The following IREB2 variants were observed in gnomAD, a reference collection of about 807,000 sequenced individuals.
The protein encoded by IREB2 is iron responsive element binding protein 2.
Under a neutral mutation model 118.8 loss-of-function variants are expected in IREB2, and 39 were observed. That is an observed-to-expected ratio of 0.33 (90% CI 0.25 to 0.43). The LOEUF is 0.43. IREB2 is among the 20% of genes least tolerant of loss of function. The pLI is 1.00. For synonymous variants in IREB2, 372 were observed against 392.2 expected, an observed-to-expected ratio of 0.95 and a Z score of 0.61; for missense variants, 900 against 1,147.3, an observed-to-expected ratio of 0.78 and a Z score of 3.11.
intron 12 of IREB2, 33 bp from the exon 13 acceptor site, chr15:78,485,672 G>A: frequency 1.2e-6 from 2 of 1,602,870 alleles, no homozygotes; most frequent in Non-Finnish European, 1.7e-6. Flanking sequence ...AAGAAACATT[G>A]CCATAATAAA....
chr15:78,456,338 G>A (rs1162121823), intron 2 of IREB2, among the ~76,000 whole-genome samples: 1 of 152,146 alleles, frequency 6.6e-6, no homozygotes, highest in African/African-American at 2.4e-5. Flanking sequence ...GAGATAGTTG[G>A]TGCTTCTTCA....
At chr15:78,493,871 A>C (rs2051793940) in intron 18 of IREB2, 38 bp from the exon 19 acceptor site, 16 of 1,581,754 alleles carry the variant, frequency 1.0e-5, no homozygotes, top group African/African-American at 1.4e-5. Flanking sequence ...ATTATTTTCC[A>C]CATGTAATGA....
rs905849071 is a variant in IREB2 at position 78,475,458 on chromosome 15, A to G, written c.1024-730A>G. The stretch of plus-strand genomic sequence containing the variant: ...ATAATTTGAAAAATGTTTATAGCCA[A>G]TATATAATTTTTTATTTAAATATAC... On this transcript the variant is annotated intron_variant, in intron 8 of 21. Coordinates refer to ENST00000258886, the MANE Select transcript of IREB2 (RefSeq NM_004136.4). 3 of 152,342 alleles carry G rather than the reference A, an allele frequency of 2.0e-5. No individual in the cohort carries two copies. The East Asian group carries it at 5.8e-4, about 29-fold the overall frequency. The allele number at this position is 152,342 out of a possible 1,614,324, so 9.4% of individuals were successfully genotyped here.
At position 78,471,645 on chromosome 15, in the gene IREB2, T is replaced by C. The variant is rs897814791; in HGVS notation, c.700-96T>C. On this transcript the variant is annotated intron_variant, in intron 6 of 21. Transcript: ENST00000258886. ...AACTTTGTATTTACCATATTGAACA[T>C]TAGTTAAAATATTTTTAATGTTAAT... 4 of 662,068 alleles carry C rather than the reference T, an allele frequency of 6.0e-6. No individual in the cohort carries two copies. In the African/African-American group the frequency reaches 7.3e-5, roughly 12 times the overall value. The allele number at this position is 662,068 out of a possible 1,614,324, so 41.0% of individuals were successfully genotyped here.
chr15:78,437,432 A>C (rs923772532), upstream of IREB2: 1 of 152,444 alleles, frequency 6.6e-6, no homozygotes, highest in African/African-American at 2.4e-5. Flanking sequence ...TTTTTCAACA[A>C]TGGGAGAGAA....
chr15:78,447,888 C>A (rs766953470), intron 2 of IREB2, among the ~76,000 whole-genome samples: 3 of 152,152 alleles, frequency 2.0e-5, no homozygotes, highest in Non-Finnish European at 2.9e-5. Context: ...TGGCGAACTC[C>A]CTGTGCCACT....
chr15:78,483,418 C>A lies in IREB2; in HGVS notation c.1397C>A (p.Ala466Asp), dbSNP rs769209031. 1.9e-6 allele frequency: 3 copies of A among 1,588,276 alleles called. No homozygotes were observed. Among genetic ancestry groups the A allele is most frequent in the Non-Finnish European group, 2.6e-6 (3 of 1,156,582 alleles). Residue 466 changes from alanine to aspartate, a missense_variant, in exon 11 of 22, where the codon GCT becomes GAT. By Grantham distance (126) the Ala-to-Asp change is moderately radical. Transcript: ENST00000258886. ...AVTDMKSDFQ[A>D]CLNEKVGFKG... ...ACAGATATGAAAAGCGATTTCCAGG[C>A]TTGCTTAAATGAAAAGGTAGGTTAC...
intron 13 of IREB2, among the ~76,000 whole-genome samples, chr15:78,486,203 T>A (rs1008108202): frequency 9.2e-5 from 14 of 152,196 alleles, no homozygotes; most frequent in African/African-American, 3.4e-4. Context: ...AAGAAAGAAA[T>A]CTTATAGTTT....
rs752942250 is a variant in IREB2 at position 78,498,796 on chromosome 15, T to C, written c.*653T>C. The stretch of plus-strand genomic sequence containing the variant: ...ATGGACCATGGCAGGATACAACTGA[T>C]TGTGTGGCACCATGTATTAGCAGTG... On this transcript the variant is annotated 3_prime_UTR_variant, in exon 22 of 22. Coordinates refer to ENST00000258886, the MANE Select transcript of IREB2 (RefSeq NM_004136.4). 3.3e-5 allele frequency: 5 copies of C among 152,212 alleles called. No individual in the cohort carries two copies. Among genetic ancestry groups the C allele is most frequent in the Non-Finnish European group, 5.9e-5 (4 of 68,036 alleles). 9.4% of individuals were successfully genotyped at this position (152,212 alleles called of 1,614,324 possible).
rs934346918 is a variant in IREB2 at position 78,498,276 on chromosome 15, A to G, written c.*133A>G. 50 of 540,836 alleles carry G rather than the reference A, an allele frequency of 9.2e-5. No homozygotes were observed. Among genetic ancestry groups the G allele is most frequent in the Non-Finnish European group, 1.5e-4 (44 of 299,884 alleles). The allele number at this position is 540,836 out of a possible 1,614,324, so 33.5% of individuals were successfully genotyped here. A position where few individuals can be genotyped will look rare whatever the true frequency, so the allele number is the denominator to read the frequency against. Reference sequence around the variant, plus strand: ...ATCTCATCCATGGATGTAAATGATGATGAATCAACATAGTAACTGAAATGA... The same window carrying G: ...ATCTCATCCATGGATGTAAATGATGGTGAATCAACATAGTAACTGAAATGA... On this transcript the variant is annotated 3_prime_UTR_variant, in exon 22 of 22. Transcript: ENST00000258886.
rs1784703474 is a variant in IREB2, at chr15:78,488,526, G to A, written c.1952-121G>A. ...GTACAGGTAATTAGTTCTTCCAGCC[G>A]CTTAAGCCTGAAGCACCCTGTTGAA... On this transcript the variant is annotated intron_variant, in intron 15 of 21. Coordinates refer to ENST00000258886, the MANE Select transcript of IREB2 (RefSeq NM_004136.4). The A allele has an allele frequency of 2.1e-5, 22 of 1,068,630 alleles. No homozygotes were observed. In the Middle Eastern group the frequency reaches 6.4e-4, roughly 31 times the overall value. The allele number at this position is 1,068,630 out of a possible 1,614,324, so 66.2% of individuals were successfully genotyped here.
In IREB2 at chr15:78,498,250, TATCTC is replaced by T. The variant is rs2051874229; in HGVS notation, c.*111_*115del. The stretch of plus-strand genomic sequence containing the variant: ...AGCAGATAGTCCCAGTATACTCACT[TATCTC>T]ATCCATGGATGTAAATGATGATGAA... On this transcript the variant is annotated 3_prime_UTR_variant, in exon 22 of 22. Coordinates refer to ENST00000258886, the MANE Select transcript of IREB2 (RefSeq NM_004136.4). The T allele has an allele frequency of 1.6e-6, 1 of 611,012 alleles. No individual in the cohort carries two copies. Among genetic ancestry groups the T allele is most frequent in the Non-Finnish European group, 3.0e-6 (1 of 337,422 alleles). The allele number at this position is 611,012 out of a possible 1,614,324, so 37.8% of individuals were successfully genotyped here. A position where few individuals can be genotyped will look rare whatever the true frequency, so the allele number is the denominator to read the frequency against.
At chr15:78,483,649 C>G (rs1284335677) in intron 11 of IREB2, among the ~76,000 whole-genome samples, 2 of 152,050 alleles carry the variant, frequency 1.3e-5, no homozygotes, top group Non-Finnish European at 2.9e-5. Flanking sequence ...TTGATTGTGT[C>G]TATTTAAATT....
chr15:78,483,298 TTC>T lies in IREB2; in HGVS notation c.1297-16_1297-15del. 3.5e-6 allele frequency: 4 copies of T among 1,138,558 alleles called. No homozygotes were observed. Among genetic ancestry groups the T allele is most frequent in the Middle Eastern group, 2.0e-4 (1 of 5,086 alleles). 70.5% of individuals were successfully genotyped at this position (1,138,558 alleles called of 1,614,324 possible). ...GGAATTAATTCTAATTCCTTGTTCT[TTC>T]TCTTTCTCATTTCTTAGGTGATCCA... is the stretch of plus-strand genomic sequence containing the variant. On this transcript the variant is annotated intron_variant, in intron 10 of 21. Transcript: ENST00000258886.
chr15:78,494,878 G>A lies in IREB2; in HGVS notation c.2595+614G>A, dbSNP rs534284187. Among the ~76,000 whole-genome samples the A allele has an allele frequency of 1.4e-4, 21 of 152,298 alleles. 1 individual carries two copies. Among genetic ancestry groups the A allele is most frequent in the African/African-American group, 4.8e-4 (20 of 41,556 alleles). ...TTGAGCCATGTGCCCGGCCCCCACT[G>A]TTAATTTTACTTGCCTCCTTTTGAT... is the stretch of plus-strand genomic sequence containing the variant. On this transcript the variant is annotated intron_variant, in intron 20 of 21. Transcript: ENST00000258886.
intron 2 of IREB2, among the ~76,000 whole-genome samples, chr15:78,449,381 T>C (rs2050985307): frequency 6.6e-6 from 1 of 152,160 alleles, no homozygotes; most frequent in Admixed American, 6.5e-5. Flanking sequence ...TAAAAACCTG[T>C]TACAGCAGGG....
intron 2 of IREB2, among the ~76,000 whole-genome samples, chr15:78,457,425 TCCTAAGAAAGGATG>T (rs1728334333): frequency 6.6e-6 from 1 of 152,220 alleles, no homozygotes; most frequent in South Asian, 2.1e-4. Context: ...TCTACTAGAT[TCCTAAGAAAGGATG>T]CCTGAGAAAT....
intron 9 of IREB2, among the ~76,000 whole-genome samples, chr15:78,477,520 A>G (rs2051492233): frequency 6.6e-6 from 1 of 152,238 alleles, no homozygotes; most frequent in Non-Finnish European, 1.5e-5. Context: ...CTCACGTGGT[A>G]GATTCTCAAG....
Position 78,476,322 on chromosome 15 carries a change from T to G in IREB2, c.1158T>G (p.Pro386=). Reference sequence around the variant, plus strand: ...ATGGTGCTATCCTCAGCTTTTTCCCTGTTGACAATGTGACATTAAAACATT... The same window carrying G: ...ATGGTGCTATCCTCAGCTTTTTCCCGGTTGACAATGTGACATTAAAACATT... ...PEYGAILSFF[P]VDNVTLKHLE... The change falls in exon 9 of 22, where the codon CCT becomes CCG. Residue 386 remains proline (P), a synonymous_variant. Transcript: ENST00000258886. 6.3e-7 allele frequency: 1 copy of G among 1,593,860 alleles called. No individual in the cohort carries two copies. Among genetic ancestry groups the G allele is most frequent in the Non-Finnish European group, 8.6e-7 (1 of 1,165,084 alleles).
Sources: allele counts gnomAD v4.1 joint callset (sites outside exome capture counted in the v4.1 genomes callset), GRCh38; gene constraint gnomAD v4.1.1; transcripts MANE v1.5; gene names NCBI Gene and HGNC (gene_info 2026-07-23, HGNC 2026-07-21).